XRN2: variants seen among roughly 807,000 people sequenced by gnomAD.
XRN2 encodes the protein 5'-3' exoribonuclease 2, also known as DHM1-like protein.
In XRN2, 44 loss-of-function variants were observed where a neutral mutation model predicts 138.5. That is an observed-to-expected ratio of 0.32 (90% confidence interval 0.25 to 0.41). XRN2 has a LOEUF of 0.41. Ranked by LOEUF, XRN2 falls within the 10% of genes least tolerant of loss-of-function variation. The pLI, the probability that XRN2 is intolerant of heterozygous loss-of-function variation, is 1.00. For missense variants in XRN2, 937 were observed against 1,169.3 expected, an observed-to-expected ratio of 0.80 and a Z score of 2.90; for synonymous variants, 354 against 369.4, an observed-to-expected ratio of 0.96 and a Z score of 0.48.
At chr20:21,347,102 A>G (rs2038446162) in intron 17 of XRN2, among the ~76,000 whole-genome samples, 1 of 152,232 alleles carries the variant, frequency 6.6e-6, no homozygotes, top group South Asian at 2.1e-4. Context: ...GGATCAAGTA[A>G]TGTGGTTGAC....
chr20:21,317,881 C>T (rs548380152), intron 1 of XRN2, among the ~76,000 whole-genome samples: 2 of 152,142 alleles, frequency 1.3e-5, no homozygotes, highest in Non-Finnish European at 2.9e-5. Flanking sequence ...CATCCATGCT[C>T]ATAAGAGATG....
intron 14 of XRN2, 133 bp downstream of exon 14, chr20:21,339,221 T>G (rs1379411075): frequency 1.2e-6 from 1 of 818,222 alleles, no homozygotes; most frequent in East Asian, 2.6e-5. Context: ...CCCAGTTACC[T>G]TTTTACCTGT....
At chr20:21,381,629 G>A (rs1193013986) in intron 27 of XRN2, among the ~76,000 whole-genome samples, 1 of 152,050 alleles carries the variant, frequency 6.6e-6, no homozygotes, top group East Asian at 1.9e-4. Flanking sequence ...TTATGGAAAA[G>A]AACTAAACCT....
intron 1 of XRN2, among the ~76,000 whole-genome samples, chr20:21,320,511 G>T (rs1163296442): frequency 1.3e-5 from 2 of 151,948 alleles, no homozygotes; most frequent in Non-Finnish European, 2.9e-5. Context: ...GTGCTAGCCA[G>T]GATGGTCTCG....
chr20:21,308,445 A>G (rs1288976586), intron 1 of XRN2, among the ~76,000 whole-genome samples: 1 of 152,040 alleles, frequency 6.6e-6, no homozygotes, highest in Non-Finnish European at 1.5e-5. Flanking sequence ...TTTTTTTTCA[A>G]ACTGGTTGTG....
chr20:21,349,596 A>G, intron 20 of XRN2, 135 bp downstream of exon 20: 2 of 748,196 alleles, frequency 2.7e-6, no homozygotes, highest in Non-Finnish European at 2.2e-6. Context: ...TACAAAAATT[A>G]GCCTGGCGTG....
intron 19 of XRN2, among the ~76,000 whole-genome samples, chr20:21,348,662 G>T (rs963871497): frequency 1.3e-5 from 2 of 151,952 alleles, no homozygotes; most frequent in Admixed American, 6.6e-5. Context: ...TTGTTTGTTT[G>T]TAAGACGGAG....
chr20:21,342,960 C>A (rs1178062578), intron 15 of XRN2, among the ~76,000 whole-genome samples: 2 of 151,906 alleles, frequency 1.3e-5, no homozygotes, highest in African/African-American at 4.8e-5. Context: ...ATTGTCTGTA[C>A]CTTTTCATTA....
chr20:21,365,817 TTATATATTA>T lies in XRN2; in HGVS notation c.2456+129_2456+137del, dbSNP rs1316590514. The T allele has an allele frequency of 5.5e-5, 9 of 164,210 alleles. 1 individual carries two copies. The highest frequency in any genetic ancestry group is 1.1e-4 in the African/African-American group (4 of 35,000). 10.2% of individuals were successfully genotyped at this position (164,210 alleles called of 1,614,324 possible). Reference sequence around the variant, plus strand: ...TTTATGCCATATATATAATATATGATTATATATTATATATATTATATATAATATATAATT... The same window carrying T: ...TTTATGCCATATATATAATATATGATTATATATTATATATAATATATAATT... On this transcript the variant is annotated intron_variant, in intron 26 of 29. Coordinates refer to ENST00000377191, the MANE Select transcript of XRN2 (RefSeq NM_012255.5).
intron 20 of XRN2, among the ~76,000 whole-genome samples, chr20:21,353,504 A>G (rs2038538354): frequency 6.6e-6 from 1 of 151,854 alleles, no homozygotes; most frequent in African/African-American, 2.4e-5. Context: ...AAAAGAAAAA[A>G]AAAAGATCAG....
intron 13 of XRN2, among the ~76,000 whole-genome samples, chr20:21,338,011 G>GT (rs1416303635): frequency 1.3e-5 from 2 of 152,170 alleles, no homozygotes; most frequent in Non-Finnish European, 2.9e-5. Context: ...ATCAGAGGAG[G>GT]TTTTAGGGTA....
chr20:21,312,673 A>C (rs909290257), intron 1 of XRN2, among the ~76,000 whole-genome samples: 1 of 148,072 alleles, frequency 6.8e-6, no homozygotes, highest in African/African-American at 2.5e-5. Context: ...GCAGTGGTGC[A>C]ATCTCTGCTC....
intron 1 of XRN2, among the ~76,000 whole-genome samples, chr20:21,315,484 T>G (rs565754941): frequency 6.6e-6 from 1 of 152,178 alleles, no homozygotes; most frequent in African/African-American, 2.4e-5. Context: ...ATTTAGGTTC[T>G]TTGTCTCCTC....
intron 4 of XRN2, among the ~76,000 whole-genome samples, chr20:21,329,148 C>T (rs542065062): frequency 5.3e-4 from 81 of 152,240 alleles, no homozygotes; most frequent in Middle Eastern, 3.4e-3. Flanking sequence ...GTTGCCAAGT[C>T]ATTTGCATAC....
intron 15 of XRN2, among the ~76,000 whole-genome samples, chr20:21,341,770 C>T (rs2038375292): frequency 6.6e-6 from 1 of 152,162 alleles, no homozygotes; most frequent in South Asian, 2.1e-4. Flanking sequence ...GCCCATCATT[C>T]AAGATTTTAG....
chr20:21,382,695 G>T (rs1025485446), intron 28 of XRN2, among the ~76,000 whole-genome samples: 1 of 152,146 alleles, frequency 6.6e-6, no homozygotes, highest in African/African-American at 2.4e-5. Flanking sequence ...AATGTGACAT[G>T]GTTTAATAAC....
At chr20:21,327,027 T>G (rs950320416) in intron 3 of XRN2, among the ~76,000 whole-genome samples, 36 of 152,034 alleles carry the variant, frequency 2.4e-4, no homozygotes, top group African/African-American at 6.0e-4. Context: ...ATTGGGAGAT[T>G]GGTGGGTGGT....
chr20:21,377,247 T>C (rs990824018), intron 27 of XRN2, among the ~76,000 whole-genome samples: 1 of 150,742 alleles, frequency 6.6e-6, no homozygotes, highest in Non-Finnish European at 1.5e-5. Flanking sequence ...GTCCAACATA[T>C]GATTTGTCGG....
At chr20:21,374,918 C>A (rs1424579072) in intron 27 of XRN2, among the ~76,000 whole-genome samples, 2 of 150,408 alleles carry the variant, frequency 1.3e-5, no homozygotes, top group African/African-American at 4.9e-5. Context: ...CTTAGAGATT[C>A]CTTTATGAAA....
Sources: allele counts gnomAD v4.1 joint callset (sites outside exome capture counted in the v4.1 genomes callset), GRCh38; gene constraint gnomAD v4.1.1; transcripts MANE v1.5; gene names NCBI Gene and HGNC (gene_info 2026-07-23, HGNC 2026-07-21).